Variants in SPAG16 observed in about 807,000 individuals in gnomAD.
The protein encoded by SPAG16 is sperm-associated antigen 16 protein.
Under a neutral mutation model 80.4 loss-of-function variants are expected in SPAG16, and 86 were observed. The observed-to-expected ratio is 1.07, with a 90% CI of 0.90 to 1.28. SPAG16 has a LOEUF of 1.28. SPAG16 is among the 50% of genes most tolerant of loss of function. SPAG16 has a pLI of 0.00. For missense variants in SPAG16, 870 were observed against 765.3 expected, an observed-to-expected ratio of 1.14 and a Z score of -1.61; for synonymous variants, 294 against 265.9, an observed-to-expected ratio of 1.11 and a Z score of -1.03.
At chr2:213,764,628 G>A (rs758014956) in intron 10 of SPAG16, among the ~76,000 whole-genome samples, 16 of 151,876 alleles carry the variant, frequency 1.1e-4, no homozygotes, top group Non-Finnish European at 1.8e-4. Context: ...GCTTTTCTCC[G>A]AATTCAGTTC....
At chr2:214,224,788 A>G (rs923083616) in intron 15 of SPAG16, among the ~76,000 whole-genome samples, 2 of 152,212 alleles carry the variant, frequency 1.3e-5, no homozygotes, top group African/African-American at 4.8e-5. Context: ...TTTATGAAAC[A>G]CCAATATAAG....
chr2:213,613,198 C>A (rs755137318), intron 10 of SPAG16, among the ~76,000 whole-genome samples: 1 of 152,148 alleles, frequency 6.6e-6, no homozygotes, highest in Non-Finnish European at 1.5e-5. Context: ...TCCCTGTGTT[C>A]CCCTTCACCC....
chr2:213,613,250 A>G (rs1387311991), intron 10 of SPAG16, among the ~76,000 whole-genome samples: 1 of 152,204 alleles, frequency 6.6e-6, no homozygotes, highest in Non-Finnish European at 1.5e-5. Context: ...GAGTAATTCT[A>G]TTAAAATATA....
chr2:213,878,842 G>A (rs530058821), intron 11 of SPAG16, among the ~76,000 whole-genome samples: 1 of 152,144 alleles, frequency 6.6e-6, no homozygotes, highest in African/African-American at 2.4e-5. Flanking sequence ...GGAGATAGGG[G>A]TCCAGCTTTA....
intron 11 of SPAG16, among the ~76,000 whole-genome samples, chr2:213,915,658 T>C (rs572109558): frequency 9.3e-4 from 142 of 152,320 alleles, no homozygotes; most frequent in African/African-American, 3.2e-3. Context: ...ACGGGATTGC[T>C]GAGTCAAATG....
chr2:213,770,143 T>C (rs1357382986), intron 10 of SPAG16, among the ~76,000 whole-genome samples: 4 of 152,218 alleles, frequency 2.6e-5, no homozygotes, highest in Admixed American at 2.6e-4. Flanking sequence ...TATTTATATA[T>C]GTGTATTAAT....
In SPAG16 at chr2:213,864,718, A is replaced by G. The variant is rs1401365948; in HGVS notation, c.1214+2090A>G. ...ATTCCTGACTACAATGGTAGCTGAC[A>G]CTGTCAGGCACTCTATCTTCTGCAA... On this transcript the variant is annotated intron_variant, in intron 11 of 15. Transcript: ENST00000331683. Among the ~76,000 whole-genome samples, 10 of 152,100 alleles carry G rather than the reference A, an allele frequency of 6.6e-5. No homozygotes were observed. The East Asian group carries it at 1.9e-3, about 29-fold the overall frequency.
chr2:213,513,450 G>A (rs1308863913), intron 10 of SPAG16, among the ~76,000 whole-genome samples: 5 of 152,058 alleles, frequency 3.3e-5, no homozygotes, highest in Non-Finnish European at 7.4e-5. Context: ...TCAAACCTGG[G>A]CAATGGAGAT....
chr2:214,322,383 C>T (rs1696157048), intron 15 of SPAG16, among the ~76,000 whole-genome samples: 2 of 151,928 alleles, frequency 1.3e-5, no homozygotes, highest in Admixed American at 6.6e-5. Context: ...CTTGAAGTCT[C>T]ATAAGAAAAT....
chr2:213,466,336 T>C (rs1051817698), intron 9 of SPAG16, among the ~76,000 whole-genome samples: 7 of 152,194 alleles, frequency 4.6e-5, no homozygotes, highest in Non-Finnish European at 7.3e-5. Context: ...ATCTTCCCTA[T>C]GGGAAGACTA....
At chr2:214,291,468 G>C (rs1017780564) in intron 15 of SPAG16, among the ~76,000 whole-genome samples, 1 of 150,856 alleles carries the variant, frequency 6.6e-6, no homozygotes, top group Non-Finnish European at 1.5e-5. Flanking sequence ...ACTACGCCCA[G>C]CTAATTTTTT....
intron 15 of SPAG16, among the ~76,000 whole-genome samples, chr2:214,277,383 T>A (rs189236803): frequency 6.6e-6 from 1 of 152,312 alleles, no homozygotes; most frequent in East Asian, 1.9e-4. Context: ...TTTTAGAATT[T>A]TCATCTTTTC....
At chr2:213,807,745 G>T (rs549738810) in intron 10 of SPAG16, among the ~76,000 whole-genome samples, 1 of 152,142 alleles carries the variant, frequency 6.6e-6, no homozygotes, top group East Asian at 1.9e-4. Context: ...TATAGTTAAG[G>T]TGTGCCTTAA....
At chr2:214,342,427 T>A (rs144089731) in intron 15 of SPAG16, among the ~76,000 whole-genome samples, 1 of 152,180 alleles carries the variant, frequency 6.6e-6, no homozygotes, top group Non-Finnish European at 1.5e-5. Context: ...AGTGGCAGCA[T>A]AGATTCCCAC....
At chr2:214,123,258 C>T (rs1576281651) in intron 14 of SPAG16, among the ~76,000 whole-genome samples, 3 of 150,518 alleles carry the variant, frequency 2.0e-5, no homozygotes, top group South Asian at 4.2e-4. Context: ...GATTCTATTG[C>T]ACCACCCCCA....
intron 15 of SPAG16, among the ~76,000 whole-genome samples, chr2:214,207,604 G>T (rs1056555986): frequency 2.6e-5 from 4 of 152,072 alleles, no homozygotes; most frequent in Admixed American, 2.0e-4. Flanking sequence ...TTATTTTGAT[G>T]GTTAATATTA....
chr2:213,516,498 T>G (rs2075428140), intron 10 of SPAG16, among the ~76,000 whole-genome samples: 1 of 152,154 alleles, frequency 6.6e-6, no homozygotes, highest in African/African-American at 2.4e-5. Context: ...CAGAGAAAGG[T>G]TAAAGGTTGC....
intron 10 of SPAG16, among the ~76,000 whole-genome samples, chr2:213,725,783 T>TA (rs2066742661): frequency 6.6e-6 from 1 of 152,226 alleles, no homozygotes; most frequent in African/African-American, 2.4e-5. Context: ...ACAACATGGC[T>TA]GATCTTTTAG....
At chr2:213,321,024 G>A (rs7573089) in intron 5 of SPAG16, among the ~76,000 whole-genome samples, 136,865 of 152,044 alleles carry the variant, frequency 0.9, 63,356 homozygotes, top group East Asian at 1. Flanking sequence ...CCTATATTGA[G>A]CTTGAGCTAA....
Sources: gnomAD v4.1 joint callset for allele counts (sites outside exome capture counted in the v4.1 genomes callset) on GRCh38, gnomAD v4.1.1 for gene constraint, MANE v1.5 for transcripts, NCBI Gene and HGNC (gene_info 2026-07-23, HGNC 2026-07-21) for gene names.